The following RASGEF1C variants were observed in gnomAD, a reference collection of about 807,000 sequenced individuals.
RASGEF1C encodes the protein ras-GEF domain-containing family member 1C.
In RASGEF1C, 27 loss-of-function variants were observed where a neutral mutation model predicts 58.1. The ratio of observed to expected loss-of-function variants is 0.46; its 90% CI spans 0.34 to 0.64. The LOEUF is 0.64. Ranked by LOEUF, RASGEF1C falls within the 30% of genes least tolerant of loss-of-function variation. The pLI is 0.01. For missense variants in RASGEF1C, 502 were observed against 605.1 expected (o/e 0.83, Z 1.79); for synonymous variants, 243 against 246.3 (o/e 0.99, Z 0.13).
intron 1 of RASGEF1C, among the ~76,000 whole-genome samples, chr5:180,170,078 G>A (rs1259657705): frequency 1.3e-5 from 2 of 152,224 alleles, no homozygotes; most frequent in African/African-American, 2.4e-5. Flanking sequence ...CCCAGGGACT[G>A]GGAGCTCCAC....
At chr5:180,184,488 A>G (rs1357129352) in intron 1 of RASGEF1C, among the ~76,000 whole-genome samples, 1 of 152,096 alleles carries the variant, frequency 6.6e-6, no homozygotes, top group East Asian at 1.9e-4. Flanking sequence ...GAGGCAGGAG[A>G]ATCGCTTGAA....
At chr5:180,152,890 A>G (rs1581110059) in intron 1 of RASGEF1C, among the ~76,000 whole-genome samples, 1 of 147,626 alleles carries the variant, frequency 6.8e-6, no homozygotes, top group Admixed American at 6.8e-5. Context: ...CAGCCTGGGC[A>G]ACAAGAGCAA....
rs55986031 is a variant in RASGEF1C, at chr5:180,141,719, C to CTTT, written c.-6-3664_-6-3662dup. Among the ~76,000 whole-genome samples the CTTT allele has an allele frequency of 2.1e-3, 304 of 146,124 alleles. 1 individual carries two copies. Among genetic ancestry groups the CTTT allele is most frequent in the African/African-American group, 7.2e-3 (286 of 39,534 alleles). On this transcript the variant is annotated intron_variant, in intron 1 of 13. Coordinates refer to ENST00000361132, the MANE Select transcript of RASGEF1C (RefSeq NM_175062.4). ...TTTATGTTATGTGTATTTTATCACA[C>CTTT]TTTTTTTTTTTTTTTTTTAAACAGA...
intron 1 of RASGEF1C, among the ~76,000 whole-genome samples, chr5:180,183,080 C>T (rs1755937070): frequency 6.6e-6 from 1 of 152,178 alleles, no homozygotes; most frequent in African/African-American, 2.4e-5. Context: ...AATTATGCTG[C>T]ATGAGTGTAA....
Position 180,156,980 on chromosome 5 carries a change from A to G in RASGEF1C, c.-6-18922T>C, listed in dbSNP as rs1466911942. The stretch of plus-strand genomic sequence containing the variant: ...TAGAACAAGATACCACTACACACCT[A>G]CTAGAGTGGTCAAAATCCAGATCAC... On this transcript the variant is annotated intron_variant, in intron 1 of 13. Coordinates refer to ENST00000361132, the MANE Select transcript of RASGEF1C (RefSeq NM_175062.4). The surrounding 1 kb of genome is among the most constrained non-coding windows in gnomAD (Gnocchi z 4.9). Among the ~76,000 whole-genome samples the G allele has an allele frequency of 6.6e-6, 1 of 152,160 alleles. No individual in the cohort carries two copies. Among genetic ancestry groups the G allele is most frequent in the African/African-American group, 2.4e-5 (1 of 41,438 alleles).
intron 1 of RASGEF1C, among the ~76,000 whole-genome samples, chr5:180,190,983 A>C (rs1314326282): frequency 6.6e-6 from 1 of 152,224 alleles, no homozygotes; most frequent in African/African-American, 2.4e-5. Context: ...AATGTGCAAA[A>C]TATCTGAACT....
intron 1 of RASGEF1C, among the ~76,000 whole-genome samples, chr5:180,142,865 C>G (rs1248146585): frequency 1.3e-5 from 2 of 152,128 alleles, no homozygotes; most frequent in Non-Finnish European, 2.9e-5. Context: ...TGAACTGATT[C>G]CAGGCCTGGA....
chr5:180,204,216 C>T (rs1756450907), intron 1 of RASGEF1C, among the ~76,000 whole-genome samples: 1 of 152,132 alleles, frequency 6.6e-6, no homozygotes, highest in African/African-American at 2.4e-5. Context: ...ACTTTTCTGG[C>T]CATTATAAGC....
chr5:180,105,510 C>T (rs866572417), intron 12 of RASGEF1C, among the ~76,000 whole-genome samples: 30 of 151,556 alleles, frequency 2.0e-4, no homozygotes, highest in African/African-American at 5.1e-4. Flanking sequence ...TGCAGTGAGC[C>T]GCGACTGCGC....
In RASGEF1C at chr5:180,118,627, G is replaced by C; in HGVS notation, c.1065C>G (p.Ala355=). The C allele has an allele frequency of 6.2e-7, 1 of 1,612,694 alleles. No homozygotes were observed. Among genetic ancestry groups the C allele is most frequent in the Non-Finnish European group, 8.5e-7 (1 of 1,179,200 alleles). ...LRGAAHRSLT[A]HSSREKIVIP... ...GACCTACCTTCTCTCGGCTGCTGTG[G>C]GCCGTCAGGGAGCGGTGGGCCGCCC... The change falls in exon 10 of 14, where the codon GCC becomes GCG. Residue 355 remains alanine, a synonymous_variant. Coordinates refer to ENST00000361132, the MANE Select transcript of RASGEF1C (RefSeq NM_175062.4).
In RASGEF1C at chr5:180,118,779, T is replaced by G; in HGVS notation, c.987+8A>C. ...GGAGGCACCCGGCAGCCCAGCAGCCTCATTTACCTCGAGGATGAAAAACTT... is the reference window on the plus strand; with the variant it reads ...GGAGGCACCCGGCAGCCCAGCAGCCGCATTTACCTCGAGGATGAAAAACTT... On this transcript the variant is annotated splice_region_variant and intron_variant, in intron 9 of 13. Coordinates refer to ENST00000361132, the MANE Select transcript of RASGEF1C (RefSeq NM_175062.4). 6 of 1,614,138 alleles carry G rather than the reference T, an allele frequency of 3.7e-6. No homozygotes were observed.
chr5:180,133,003 C>T (rs1020544369), intron 4 of RASGEF1C, among the ~76,000 whole-genome samples: 17 of 151,444 alleles, frequency 1.1e-4, no homozygotes, highest in South Asian at 2.1e-4. Flanking sequence ...GACCAGTCCT[C>T]GGAGAGGGGC....
chr5:180,171,137 C>T (rs918701522), intron 1 of RASGEF1C, among the ~76,000 whole-genome samples: 4 of 152,150 alleles, frequency 2.6e-5, no homozygotes, highest in Non-Finnish European at 5.9e-5. Context: ...AGGAGTGGGA[C>T]CCCCGAGGGC....
intron 10 of RASGEF1C, 126 bp downstream of exon 10, chr5:180,118,483 G>A (rs1240893091): frequency 1.8e-5 from 16 of 867,104 alleles, no homozygotes; most frequent in South Asian, 5.1e-5. Context: ...CTGGAGGCAC[G>A]CAAGCAAGGA....
rs182052272 is a variant in RASGEF1C, at chr5:180,149,409, C to T, written c.-6-11351G>A. On this transcript the variant is annotated intron_variant, in intron 1 of 13. Transcript: ENST00000361132. ...TGCCCGCCAAGGCCTCTAAGGTTTC[C>T]GTGGGAAATTTCTTGATAATCTTAC... 3.9e-3 allele frequency among the ~76,000 whole-genome samples: 585 copies of T among 148,916 alleles called. 3 individuals carry two copies. Among genetic ancestry groups the T allele is most frequent in the Non-Finnish European group, 5.8e-3 (391 of 67,410 alleles).
intron 1 of RASGEF1C, among the ~76,000 whole-genome samples, chr5:180,181,441 C>T (rs977332447): frequency 3.3e-5 from 5 of 152,144 alleles, no homozygotes; most frequent in African/African-American, 1.2e-4. Flanking sequence ...AGGGTCACTG[C>T]AAATGTAATG....
rs916297262 is a variant in RASGEF1C at position 180,162,334 on chromosome 5, T to C, written c.-6-24276A>G. 6.6e-5 allele frequency among the ~76,000 whole-genome samples: 10 copies of C among 152,254 alleles called. 1 individual carries two copies. Among genetic ancestry groups the C allele is most frequent in the Non-Finnish European group, 1.3e-4 (9 of 68,040 alleles). On this transcript the variant is annotated intron_variant, in intron 1 of 13. Transcript: ENST00000361132. ...CAGCAGGGTAAAAATCCAGCTGGGC[T>C]GGGCAGTGGAGAAACTGAGTCCCAG...
intron 1 of RASGEF1C, among the ~76,000 whole-genome samples, chr5:180,167,228 T>A (rs2113306454): frequency 6.6e-6 from 1 of 152,346 alleles, no homozygotes; most frequent in African/African-American, 2.4e-5. Flanking sequence ...TTTGCTATTG[T>A]CCCCCAGAGG....
chr5:180,142,648 G>A (rs899608707), intron 1 of RASGEF1C, among the ~76,000 whole-genome samples: 5 of 152,074 alleles, frequency 3.3e-5, no homozygotes, highest in African/African-American at 7.2e-5. Context: ...CTGAACACAC[G>A]GTCATAACAC....
Sources: gnomAD v4.1 joint callset for allele counts (sites outside exome capture counted in the v4.1 genomes callset) on GRCh38, gnomAD v4.1.1 for gene constraint, Gnocchi (gnomAD v3.1) non-coding constraint, MANE v1.5 for transcripts, NCBI Gene and HGNC (gene_info 2026-07-23, HGNC 2026-07-21) for gene names.